GSE1: variants seen among roughly 807,000 people sequenced by gnomAD.
GSE1 encodes the protein Gse1 coiled-coil protein, also known as genetic suppressor element 1.
GSE1 carries 32 observed loss-of-function variants against 112.6 expected under a neutral mutation model. That is an observed-to-expected ratio of 0.28 (90% CI 0.21 to 0.38). The LOEUF (loss-of-function observed/expected upper bound fraction) is 0.38, where lower values mean the gene tolerates loss of function less well. Among genes scored for constraint, GSE1 ranks in the 10% least tolerant of loss-of-function variants. The pLI, the probability that GSE1 is intolerant of heterozygous loss-of-function variation, is 1.00. For missense variants in GSE1, 2,348 were observed against 1,699.2 expected, an observed-to-expected ratio of 1.38 and a Z score of -6.71; for synonymous variants, 1,115 against 735.6, an observed-to-expected ratio of 1.52 and a Z score of -8.35.
intron 1 of GSE1, among the ~76,000 whole-genome samples, chr16:85,338,364 C>A (rs1171632142): frequency 3.3e-5 from 5 of 152,210 alleles, no homozygotes; most frequent in African/African-American, 1.2e-4. Context: ...GGTAGATGTC[C>A]CCCAAGGTTA....
chr16:85,636,882 G>C (rs1405383766), intron 2 of GSE1, among the ~76,000 whole-genome samples: 2 of 152,136 alleles, frequency 1.3e-5, no homozygotes. Context: ...TGGAGTCCTG[G>C]ATGACAGTGG....
At chr16:85,273,581 C>T (rs1034060723) in intron 1 of GSE1, among the ~76,000 whole-genome samples, 3 of 152,106 alleles carry the variant, frequency 2.0e-5, no homozygotes, top group African/African-American at 4.8e-5. Flanking sequence ...TGAGTCCATT[C>T]GTATGGGATG....
chr16:85,199,408 G>A (rs575772520), intron 1 of GSE1, among the ~76,000 whole-genome samples: 1 of 152,316 alleles, frequency 6.6e-6, no homozygotes, highest in East Asian at 1.9e-4. Flanking sequence ...CTGTCCACTG[G>A]TGGGACTCAC....
intron 1 of GSE1, among the ~76,000 whole-genome samples, chr16:85,622,486 T>A (rs1436726545): frequency 1.3e-5 from 2 of 152,200 alleles, no homozygotes; most frequent in African/African-American, 4.8e-5. Flanking sequence ...GTTTGTAGCC[T>A]GGGTTCATGG....
intron 1 of GSE1, among the ~76,000 whole-genome samples, chr16:85,211,804 C>T (rs886476744): frequency 1.3e-5 from 2 of 152,234 alleles, no homozygotes; most frequent in African/African-American, 4.8e-5. Flanking sequence ...CAGCTGGAAG[C>T]TGACCCGGGC....
At chr16:85,440,852 A>G (rs1322845908) in intron 2 of GSE1, among the ~76,000 whole-genome samples, 1 of 152,200 alleles carries the variant, frequency 6.6e-6, no homozygotes, top group East Asian at 1.9e-4. Flanking sequence ...CTGGGAGGCC[A>G]ACTGGCTCAG....
intron 1 of GSE1, among the ~76,000 whole-genome samples, chr16:85,571,694 A>C (rs7198703): frequency 2.0e-5 from 3 of 151,986 alleles, no homozygotes; most frequent in South Asian, 2.1e-4. Context: ...GGAAGGACTG[A>C]GGGGGAGAAA....
intron 2 of GSE1, among the ~76,000 whole-genome samples, chr16:85,386,262 CTGCCTGCG>C (rs2047686860): frequency 6.6e-6 from 1 of 152,232 alleles, no homozygotes; most frequent in Admixed American, 6.5e-5. Context: ...CCAATGCATC[CTGCCTGCG>C]TGCCTGACAC....
rs2048728163 is a variant in GSE1, at chr16:85,417,439, C to G, written c.2464+59796C>G. On this transcript the variant is annotated intron_variant, in intron 2 of 2. Coordinates refer to the GSE1 transcript ENST00000637419. ...CTTGGCCTCTGTGTTCTCCCTGCAG[C>G]CTGGAGAGGGTCAGAGCACACGGTT... 3.3e-5 allele frequency among the ~76,000 whole-genome samples: 5 copies of G among 152,358 alleles called. No individual in the cohort carries two copies. In the South Asian group the frequency reaches 1.0e-3, roughly 32 times the overall value.
intron 1 of GSE1, among the ~76,000 whole-genome samples, chr16:85,218,984 A>G (rs1170048325): frequency 2.6e-5 from 4 of 151,892 alleles, no homozygotes; most frequent in Non-Finnish European, 5.9e-5. Context: ...GGTTCACACC[A>G]TTCTTCTGCC....
At chr16:85,637,474 T>TGCG (rs1567694430) in intron 2 of GSE1, among the ~76,000 whole-genome samples, 196 of 151,762 alleles carry the variant, frequency 1.3e-3, no homozygotes, top group African/African-American at 4.3e-3. Context: ...CCCCCTTGAT[T>TGCG]GCAGCAGTGG....
upstream of GSE1, chr16:85,554,850 G>T: frequency 1.0e-6 from 1 of 984,344 alleles, no homozygotes; most frequent in Non-Finnish European, 1.2e-6. Context: ...CCGGAGGGGG[G>T]GCCAGCGGCG....
intron 2 of GSE1, among the ~76,000 whole-genome samples, chr16:85,381,411 G>A (rs2151621352): frequency 6.6e-6 from 1 of 152,326 alleles, no homozygotes; most frequent in Non-Finnish European, 1.5e-5. Flanking sequence ...ATGCTGCTGG[G>A]AACATGAGTG....
At chr16:85,452,028 C>A (rs1357441675) in intron 2 of GSE1, among the ~76,000 whole-genome samples, 3 of 151,918 alleles carry the variant, frequency 2.0e-5, no homozygotes, top group Non-Finnish European at 4.4e-5. Flanking sequence ...CAAGAAGCGT[C>A]CCCACCCAAG....
chr16:85,649,619 A>T (rs2051167977), intron 3 of GSE1, among the ~76,000 whole-genome samples: 1 of 149,116 alleles, frequency 6.7e-6, no homozygotes, highest in African/African-American at 2.4e-5. Context: ...TCAGGTGGGT[A>T]CCTGCAGCTC....
intron 2 of GSE1, among the ~76,000 whole-genome samples, chr16:85,509,974 A>G (rs1237652428): frequency 6.6e-6 from 1 of 152,168 alleles, no homozygotes; most frequent in Non-Finnish European, 1.5e-5. Context: ...TTTTTGCCGG[A>G]TTTGGTGACG....
intron 2 of GSE1, among the ~76,000 whole-genome samples, chr16:85,372,024 G>A (rs569721737): frequency 6.6e-6 from 1 of 152,318 alleles, no homozygotes; most frequent in South Asian, 2.1e-4. Context: ...ACAGGTGTGT[G>A]TGGCACAGGT....
chr16:85,236,773 G>A (rs952857599), intron 1 of GSE1, among the ~76,000 whole-genome samples: 1 of 151,936 alleles, frequency 6.6e-6, no homozygotes, highest in Non-Finnish European at 1.5e-5. Context: ...GATTATGAGG[G>A]AACAACTCCT....
intron 1 of GSE1, among the ~76,000 whole-genome samples, chr16:85,331,621 GTATA>G (rs1446283068): frequency 2.6e-5 from 2 of 76,750 alleles, no homozygotes; most frequent in African/African-American, 8.6e-5. Flanking sequence ...ATATATGTGT[GTATA>G]TATGTGTATA....
Sources: gnomAD v4.1 joint callset for allele counts (sites outside exome capture counted in the v4.1 genomes callset) on GRCh38, gnomAD v4.1.1 for gene constraint, MANE v1.5 for transcripts, NCBI Gene and HGNC (gene_info 2026-07-23, HGNC 2026-07-21) for gene names.